Variants in MMRN1 observed in about 807,000 individuals in gnomAD.
MMRN1 encodes multimerin 1, also known as multimerin-1.
A neutral mutation model predicts 100.7 loss-of-function variants in MMRN1; 94 were observed. That is an observed-to-expected ratio of 0.93 (90% CI 0.79 to 1.11). The LOEUF (loss-of-function observed/expected upper bound fraction) is 1.11. Ranked by LOEUF, MMRN1 falls within the 50% of genes least tolerant of loss-of-function variation. The pLI, the probability that MMRN1 is intolerant of heterozygous loss-of-function variation, is 0.00. For missense variants in MMRN1, 1,606 were observed against 1,439.1 expected (o/e 1.12, Z -1.88); for synonymous variants, 575 against 505.0 (o/e 1.14, Z -1.86).
At chr4:89,944,633 C>T (rs573817541) in intron 6 of MMRN1, among the ~76,000 whole-genome samples, 50 of 151,880 alleles carry the variant, frequency 3.3e-4, no homozygotes, top group Middle Eastern at 3.4e-3. Flanking sequence ...GATGTTAAGA[C>T]GGCTATAATC....
In MMRN1 at chr4:89,894,919, T is replaced by G. The variant is rs549087049; in HGVS notation, c.-53T>G. On this transcript the variant is annotated 5_prime_UTR_variant, in exon 1 of 8. Coordinates refer to ENST00000264790, the MANE Select transcript of MMRN1 (RefSeq NM_007351.3). ...GTGGAAGCAGCTATCAAAAAGGCCATAAGGATTTTGTCCCCAAATTTCACA... is the reference window on the plus strand; with the variant it reads ...GTGGAAGCAGCTATCAAAAAGGCCAGAAGGATTTTGTCCCCAAATTTCACA... 1.9e-5 allele frequency: 30 copies of G among 1,555,348 alleles called. No individual in the cohort carries two copies. In the African/African-American group the frequency reaches 4.0e-4, roughly 21 times the overall value.
In MMRN1 at chr4:89,953,538, T is replaced by C. The variant is rs1472749036; in HGVS notation, c.*120T>C. Reference sequence around the variant, plus strand: ...CAGGAAATGAAAATCAACTTGTTTTTTTAATATGAGTAAACTTGTATGTCT... The same window carrying C: ...CAGGAAATGAAAATCAACTTGTTTTCTTAATATGAGTAAACTTGTATGTCT... On this transcript the variant is annotated 3_prime_UTR_variant, in exon 8 of 8. Coordinates refer to ENST00000264790, the MANE Select transcript of MMRN1 (RefSeq NM_007351.3). The C allele has an allele frequency of 1.2e-6, 1 of 809,126 alleles. No individual in the cohort carries two copies. Among genetic ancestry groups the C allele is most frequent in the Non-Finnish European group, 1.8e-6 (1 of 544,752 alleles). The allele number at this position is 809,126 out of a possible 1,614,324, so 50.1% of individuals were successfully genotyped here.
In MMRN1 at chr4:89,930,244, A is replaced by G. The variant is rs140592380; in HGVS notation, c.1129+2276A>G. The stretch of plus-strand genomic sequence containing the variant: ...TTACCTGAAAAGCTTCTGATCCCAA[A>G]ACACATTTTTAAGCTAATAATATGT... On this transcript the variant is annotated intron_variant, in intron 5 of 7. Transcript: ENST00000264790. 1.6e-3 allele frequency among the ~76,000 whole-genome samples: 248 copies of G among 152,348 alleles called. 2 individuals carry two copies. The highest frequency in any genetic ancestry group is 5.6e-3 in the African/African-American group (232 of 41,600).
chr4:89,881,531 T>C (rs1194958806), intron 1 of MMRN1, among the ~76,000 whole-genome samples: 2 of 152,118 alleles, frequency 1.3e-5, no homozygotes, highest in African/African-American at 4.8e-5. Context: ...ATATGCCTTT[T>C]CATTTTCTTG....
Position 89,927,179 on chromosome 4 carries a change from C to G in MMRN1, c.956-616C>G, listed in dbSNP as rs28869330. Among the ~76,000 whole-genome samples the G allele has an allele frequency of 9.0e-3, 1,368 of 151,294 alleles. 32 individuals are homozygous for G. Among genetic ancestry groups the G allele is most frequent in the African/African-American group, 0.031 (1,296 of 41,224 alleles). ...TTTTTTGTATTTCTGTGAAGAATGT[C>G]ATTAGTGTTTTGATAGGGATTGCAT... is the stretch of plus-strand genomic sequence containing the variant. On this transcript the variant is annotated intron_variant, in intron 4 of 7. Transcript: ENST00000264790.
intron 2 of MMRN1, among the ~76,000 whole-genome samples, chr4:89,909,604 A>G (rs1578475447): frequency 6.6e-6 from 1 of 151,482 alleles, no homozygotes; most frequent in East Asian, 1.9e-4. Context: ...ATGCAATACT[A>G]TATTTAGCCT....
chr4:89,909,796 A>G (rs1721690110), intron 2 of MMRN1, among the ~76,000 whole-genome samples: 1 of 151,464 alleles, frequency 6.6e-6, no homozygotes, highest in Non-Finnish European at 1.5e-5. Context: ...AAAGAAGTTT[A>G]TAACTTGGTT....
At chr4:89,883,279 T>C (rs749544647) in intron 1 of MMRN1, among the ~76,000 whole-genome samples, 1 of 152,134 alleles carries the variant, frequency 6.6e-6, no homozygotes, top group Non-Finnish European at 1.5e-5. Flanking sequence ...TCTTGAATCA[T>C]GGATGACATG....
intron 1 of MMRN1, among the ~76,000 whole-genome samples, chr4:89,895,812 A>G (rs971584391): frequency 6.6e-6 from 1 of 152,172 alleles, no homozygotes; most frequent in African/African-American, 2.4e-5. Context: ...AACTGAAATA[A>G]TCATTCACTT....
intron 4 of MMRN1, among the ~76,000 whole-genome samples, chr4:89,925,136 A>ATTAT (rs941055413): frequency 2.1e-4 from 31 of 150,884 alleles, no homozygotes; most frequent in African/African-American, 4.4e-4. Context: ...ATTCTTTTTT[A>ATTAT]TTATTTATTT....
intron 4 of MMRN1, 56 bp downstream of exon 4, chr4:89,923,328 T>A (rs1722150048): frequency 6.8e-7 from 1 of 1,460,360 alleles, no homozygotes; most frequent in Admixed American, 1.7e-5. Context: ...TGCTATTTAT[T>A]ACAACTTCCA....
intron 3 of MMRN1, among the ~76,000 whole-genome samples, chr4:89,919,915 G>C (rs1722035791): frequency 1.3e-5 from 2 of 152,064 alleles, no homozygotes; most frequent in African/African-American, 4.8e-5. Context: ...AGAAGTTGTA[G>C]CAAATACAAA....
intron 3 of MMRN1, among the ~76,000 whole-genome samples, chr4:89,913,654 T>A (rs1721825127): frequency 6.6e-6 from 1 of 151,334 alleles, no homozygotes; most frequent in African/African-American, 2.4e-5. Context: ...TTAGGGATTG[T>A]CTAATGACAC....
At chr4:89,881,537 T>A (rs1056491100) in intron 1 of MMRN1, among the ~76,000 whole-genome samples, 1 of 152,116 alleles carries the variant, frequency 6.6e-6, no homozygotes, top group African/African-American at 2.4e-5. Flanking sequence ...CTTTTCATTT[T>A]CTTGTAAATG....
chr4:89,929,701 C>T (rs1011971870), intron 5 of MMRN1, among the ~76,000 whole-genome samples: 5 of 151,992 alleles, frequency 3.3e-5, no homozygotes, highest in South Asian at 2.1e-4. Context: ...AAACTCCCTC[C>T]GCAATAGGAG....
chr4:89,953,217 AGTG>A lies in MMRN1; in HGVS notation c.3489_3491del (p.Val1164del). ...TTAGTGCTCATATTTCTGGATTTTT[AGTG>A]GTTGATGGAATAGACAAGCTTGCAT... On this transcript the variant is annotated inframe_deletion, in exon 8 of 8. Coordinates refer to ENST00000264790, the MANE Select transcript of MMRN1 (RefSeq NM_007351.3). 1 of 1,613,842 alleles carries A rather than the reference AGTG, an allele frequency of 6.2e-7. No individual in the cohort carries two copies. Among genetic ancestry groups the A allele is most frequent in the Non-Finnish European group, 8.5e-7 (1 of 1,179,842 alleles).
upstream of MMRN1, chr4:89,894,787 A>T (rs562809699): frequency 2.8e-6 from 3 of 1,075,116 alleles, no homozygotes; most frequent in Admixed American, 3.2e-5. Flanking sequence ...GATCACAAAA[A>T]CCCTACAGAA....
intron 3 of MMRN1, among the ~76,000 whole-genome samples, chr4:89,913,005 G>A (rs1187005869): frequency 6.6e-6 from 1 of 151,086 alleles, no homozygotes; most frequent in Non-Finnish European, 1.5e-5. Context: ...TCAGACTACA[G>A]AATGAATATG....
At position 89,935,877 on chromosome 4, in the gene MMRN1, A is replaced by G; in HGVS notation, c.2197A>G (p.Thr733Ala). ...GGAAGATGGCCTCAATAAGACAATG[A>G]CTATTATAAATAATGCTATTGATTT... The part of the protein sequence containing the change: ...EMEDGLNKTM[T>A]IINNAIDFIQ... Residue 733 changes from threonine (T) to alanine (A), a missense_variant, in exon 6 of 8, where the codon ACT (threonine) becomes GCT (alanine). Physicochemically the swap from Thr to Ala is moderately conservative, Grantham distance 58 (BLOSUM62 0). Coordinates refer to ENST00000264790, the MANE Select transcript of MMRN1 (RefSeq NM_007351.3). 1 of 1,610,660 alleles carries G rather than the reference A, an allele frequency of 6.2e-7. No individual in the cohort carries two copies.
Sources: allele counts gnomAD v4.1 joint callset (sites outside exome capture counted in the v4.1 genomes callset), GRCh38; gene constraint gnomAD v4.1.1; transcripts MANE v1.5; gene names NCBI Gene and HGNC (gene_info 2026-07-23, HGNC 2026-07-21).